The following KHDC4 variants were observed in gnomAD, a reference collection of about 807,000 sequenced individuals.
The protein encoded by KHDC4 is KH domain containing 4, pre-mRNA splicing factor.
Under a neutral mutation model 74.5 loss-of-function variants are expected in KHDC4, and 19 were observed. The observed-to-expected ratio is 0.26, with a 90% CI of 0.18 to 0.37. The LOEUF (loss-of-function observed/expected upper bound fraction) is 0.37. Among genes scored for constraint, KHDC4 ranks in the 10% least tolerant of loss-of-function variants. The pLI is 1.00. For synonymous variants in KHDC4, 253 were observed against 266.1 expected (o/e 0.95, Z 0.48); for missense variants, 632 against 754.1 (o/e 0.84, Z 1.90).
intron 2 of KHDC4, 154 bp downstream of exon 2, chr1:155,933,478 GT>G (rs1219273139): frequency 9.3e-6 from 5 of 535,842 alleles, no homozygotes; most frequent in East Asian, 3.1e-5. Context: ...TAGAGACGGG[GT>G]TTCACCATGT....
intron 10 of KHDC4, among the ~76,000 whole-genome samples, chr1:155,918,979 T>TTG (rs994528735): frequency 6.7e-6 from 1 of 149,860 alleles, no homozygotes; most frequent in Non-Finnish European, 1.5e-5. Flanking sequence ...CAGTTTTTTT[T>TTG]TTTTTTTTTT....
intron 4 of KHDC4, among the ~76,000 whole-genome samples, chr1:155,928,593 CAAAAAAAAA>C (rs10555758): frequency 3.4e-5 from 3 of 89,332 alleles, no homozygotes; most frequent in African/African-American, 1.3e-4. Flanking sequence ...ATCATAAAGA[CAAAAAAAAA>C]AAAAAAAAAA....
At chr1:155,925,545 A>G (rs1673971762) in intron 7 of KHDC4, 87 bp downstream of exon 7, 1 of 960,564 alleles carries the variant, frequency 1.0e-6, no homozygotes, top group Admixed American at 1.9e-5. Context: ...AATTACACCC[A>G]GTTTTCTCTT....
At chr1:155,917,756 G>A in intron 10 of KHDC4, 84 bp from the exon 11 acceptor site, 2 of 1,133,310 alleles carry the variant, frequency 1.8e-6, no homozygotes, top group Non-Finnish European at 2.5e-6. Flanking sequence ...ATACTTTAAG[G>A]ATCAATAAGT....
At chr1:155,931,011 C>CA (rs1418273749) in intron 2 of KHDC4, among the ~76,000 whole-genome samples, 4 of 151,810 alleles carry the variant, frequency 2.6e-5, no homozygotes, top group Non-Finnish European at 5.9e-5. Flanking sequence ...AACTCTGTCT[C>CA]AAAAATAAAT....
At chr1:155,923,808 T>C (rs1673920681) in intron 7 of KHDC4, 121 bp from the exon 8 acceptor site, 1 of 686,752 alleles carries the variant, frequency 1.5e-6, no homozygotes, top group Non-Finnish European at 2.5e-6. Context: ...AGCTCAAATC[T>C]AGGCCTCTGA....
Position 155,917,559 on chromosome 1 carries a change from C to G in KHDC4, c.1380G>C (p.Gln460His), listed in dbSNP as rs757377694. The G allele has an allele frequency of 7.4e-7, 1 of 1,356,482 alleles. No homozygotes were observed. Among genetic ancestry groups the G allele is most frequent in the South Asian group, 1.1e-5 (1 of 87,534 alleles). 84.0% of individuals were successfully genotyped at this position (1,356,482 alleles called of 1,614,324 possible). A position where few individuals can be genotyped will look rare whatever the true frequency, so the allele number is the denominator to read the frequency against. ...QPPLPSQPQA[Q>H]KRRFTEELPD... ...GTAGCTCCTCTGTGAATCGTCTCTT[C>G]TGTGCCTGGGGCTGACTTGGGAGTG... Residue 460 changes from glutamine to histidine, a missense_variant, in exon 11 of 14, where the codon CAG (glutamine) becomes CAC (histidine). Gln to His is a conservative substitution (Grantham distance 24). Coordinates refer to ENST00000368321, the MANE Select transcript of KHDC4 (RefSeq NM_014949.4).
chr1:155,927,577 G>A (rs904266783), intron 4 of KHDC4, among the ~76,000 whole-genome samples: 1 of 151,930 alleles, frequency 6.6e-6, no homozygotes, highest in African/African-American at 2.4e-5. Context: ...GGCTGAGGTG[G>A]GTGGATGACA....
chr1:155,933,913 T>G lies in KHDC4; in HGVS notation c.39-64A>C, dbSNP rs887341764. 29 of 1,311,298 alleles carry G rather than the reference T, an allele frequency of 2.2e-5. No homozygotes were observed. The East Asian group carries it at 4.9e-4, about 22-fold the overall frequency. The allele number at this position is 1,311,298 out of a possible 1,614,324, so 81.2% of individuals were successfully genotyped here. On this transcript the variant is annotated intron_variant, in intron 1 of 13. Transcript: ENST00000368321. The stretch of plus-strand genomic sequence containing the variant: ...TTCGTGTATGTTATTCTTTCCTTAC[T>G]ACGCCTTAGCACCCCATTTTCCCTC...
At chr1:155,929,209 TACAC>T in intron 4 of KHDC4, 83 bp downstream of exon 4, 2 of 892,678 alleles carry the variant, frequency 2.2e-6, no homozygotes, top group Non-Finnish European at 3.8e-6. Context: ...AAATATTGTG[TACAC>T]GTATTACCTA....
Position 155,914,287 on chromosome 1 carries a change from T to G in KHDC4, c.1679A>C (p.Lys560Thr), listed in dbSNP as rs1178976319. Reference sequence around the variant, plus strand: ...AGCATAAGCCACCAAGCCAAATCCCTTCTCTGTAGTTTTCATCTTCTTGGC... The same window carrying G: ...AGCATAAGCCACCAAGCCAAATCCCGTCTCTGTAGTTTTCATCTTCTTGGC... ...YPAKKMKTTEKGFGLVAYAAD... is the reference protein window; with the variant it reads ...YPAKKMKTTETGFGLVAYAAD... The change falls in exon 14 of 14, where the codon AAG (lysine) becomes ACG (threonine). Residue 560 changes from lysine (K) to threonine (T), a missense_variant. Physicochemically the swap from Lys to Thr is moderately conservative, Grantham distance 78. Transcript: ENST00000368321. 3.7e-6 allele frequency: 6 copies of G among 1,613,904 alleles called. No homozygotes were observed. In the Admixed American group the frequency reaches 5.0e-5, roughly 13 times the overall value.
chr1:155,921,721 T>C (rs1191564536), intron 9 of KHDC4, 93 bp from the exon 10 acceptor site: 2 of 1,506,632 alleles, frequency 1.3e-6, no homozygotes, highest in South Asian at 1.3e-5. Context: ...AGAAAAATAC[T>C]GAGGCATGAA....
intron 4 of KHDC4, among the ~76,000 whole-genome samples, chr1:155,927,416 T>G (rs1674026799): frequency 6.6e-6 from 1 of 152,174 alleles, no homozygotes; most frequent in Admixed American, 6.6e-5. Context: ...TACCATTATT[T>G]TCCAGTCTAT....
At chr1:155,924,574 CTTT>C (rs550965042) in intron 7 of KHDC4, among the ~76,000 whole-genome samples, 7 of 132,268 alleles carry the variant, frequency 5.3e-5, no homozygotes, top group African/African-American at 2.8e-5. Flanking sequence ...AATAATTTCT[CTTT>C]TTTTTTTTTT....
chr1:155,926,153 G>A, intron 6 of KHDC4: 1 of 539,860 alleles, frequency 1.9e-6, no homozygotes. Flanking sequence ...TATACCTTCT[G>A]CTCTATCAAT....
At chr1:155,930,940 G>A (rs1351546665) in intron 2 of KHDC4, among the ~76,000 whole-genome samples, 1 of 152,108 alleles carries the variant, frequency 6.6e-6, no homozygotes. Context: ...GAAGCCGGGA[G>A]GCAGAGGTTG....
At chr1:155,927,007 T>A in intron 5 of KHDC4, 97 bp downstream of exon 5, 4 of 1,348,860 alleles carry the variant, frequency 3.0e-6, no homozygotes, top group Non-Finnish European at 4.2e-6. Context: ...GAACAAGGGT[T>A]AGAACAGCCA....
In KHDC4 at chr1:155,927,134, C is replaced by T. The variant is rs762159004; in HGVS notation, c.487G>A (p.Val163Ile). ...GPGDRPLYLH[V>I]QGQTRELVDR... Reference sequence around the variant, plus strand: ...ACTAATTCCCGTGTCTGGCCCTGAACATGAAGATATAATGGACGATCCCTA... The same window carrying T: ...ACTAATTCCCGTGTCTGGCCCTGAATATGAAGATATAATGGACGATCCCTA... The change falls in exon 5 of 14, where the codon GTT becomes ATT. Residue 163 changes from valine (V) to isoleucine (I), a missense_variant. Around this residue, in one of 4 missense-constraint regions of KHDC4, gnomAD observed 233 missense variants for 342.6 expected, o/e 0.68. Coordinates refer to ENST00000368321, the MANE Select transcript of KHDC4 (RefSeq NM_014949.4). The T allele has an allele frequency of 6.5e-5, 105 of 1,613,794 alleles. No individual in the cohort carries two copies. Among genetic ancestry groups the T allele is most frequent in the Non-Finnish European group, 8.1e-5 (96 of 1,179,896 alleles).
In KHDC4 at chr1:155,921,632, AG is replaced by A; in HGVS notation, c.1013-5del. The A allele has an allele frequency of 6.2e-7, 1 of 1,606,212 alleles. No individual in the cohort carries two copies. The highest frequency in any genetic ancestry group is 1.1e-5 in the South Asian group (1 of 90,842). ...ATAGCAGAGGGTTGTGTATAGCCTG[AG>A]GGGGAAGAAAAAAAGTGTTTAATCA... On this transcript the variant is annotated splice_region_variant and splice_polypyrimidine_tract_variant and intron_variant, in intron 9 of 13. Coordinates refer to ENST00000368321, the MANE Select transcript of KHDC4 (RefSeq NM_014949.4).
Sources: gnomAD v4.1 joint callset for allele counts (sites outside exome capture counted in the v4.1 genomes callset) on GRCh38, gnomAD v4.1.1 for gene constraint, gnomAD v4.1.1 regional missense constraint, MANE v1.5 for transcripts, NCBI Gene and HGNC (gene_info 2026-07-23, HGNC 2026-07-21) for gene names.